The following MTUS2 variants were observed in gnomAD, a reference collection of about 807,000 sequenced individuals.
MTUS2 encodes the protein microtubule associated scaffold protein 2.
A neutral mutation model predicts 114.1 loss-of-function variants in MTUS2; 40 were observed. The observed-to-expected ratio is 0.35, with a 90% CI of 0.27 to 0.46. The LOEUF (loss-of-function observed/expected upper bound fraction) is 0.46, where lower values mean the gene tolerates loss of function less well. Among genes scored for constraint, MTUS2 ranks in the 20% least tolerant of loss-of-function variants. MTUS2 has a pLI of 1.00. For synonymous variants in MTUS2, 688 were observed against 672.0 expected, an observed-to-expected ratio of 1.02 and a Z score of -0.37; for missense variants, 1,679 against 1,705.4, an observed-to-expected ratio of 0.98 and a Z score of 0.27.
At chr13:29,393,061 C>T (rs866408713) in intron 8 of MTUS2, among the ~76,000 whole-genome samples, 28 of 152,164 alleles carry the variant, frequency 1.8e-4, no homozygotes, top group African/African-American at 5.8e-4. Context: ...AGCACTCCCC[C>T]AAGAAGCAGG....
intron 2 of MTUS2, among the ~76,000 whole-genome samples, chr13:28,988,205 G>A (rs764714543): frequency 2.0e-5 from 3 of 152,164 alleles, no homozygotes; most frequent in Non-Finnish European, 4.4e-5. Context: ...AAGTGAGGAT[G>A]TATATGGATT....
chr13:29,492,588 C>A, intron 11 of MTUS2, 58 bp from the exon 12 acceptor site: 1 of 1,430,312 alleles, frequency 7.0e-7, no homozygotes, highest in Non-Finnish European at 9.8e-7. Flanking sequence ...CCAAAAGAGC[C>A]TTGTTTTATC....
chr13:29,112,419 C>A lies in MTUS2; in HGVS notation c.2644+11449C>A, dbSNP rs181538470. Among the ~76,000 whole-genome samples the A allele has an allele frequency of 7.2e-5, 11 of 152,236 alleles. No individual in the cohort carries two copies. The East Asian group carries it at 1.2e-3, about 16-fold the overall frequency. On this transcript the variant is annotated intron_variant, in intron 5 of 15. Transcript: ENST00000612955. The stretch of plus-strand genomic sequence containing the variant: ...TTTGATATTGAGGAGAATGGGTCTG[C>A]AGACTGTCATTAAGATGTCACTGGT...
intron 2 of MTUS2, among the ~76,000 whole-genome samples, chr13:28,913,597 T>G (rs947569757): frequency 2.0e-5 from 3 of 151,782 alleles, no homozygotes; most frequent in African/African-American, 7.2e-5. Context: ...ATCTCTGATA[T>G]CTAGTTTGGT....
rs1555272550 is a variant in MTUS2, at chr13:29,389,545, A to ATATGTATACACATATGTGTGTATG, written c.3117+30073_3117+30074insATGTATACACATATGTGTGTATGT. The stretch of plus-strand genomic sequence containing the variant: ...TGTATATATGTATACACGTGTGTAT[A>ATATGTATACACATATGTGTGTATG]TGTATACACGTGTGTATATGTGTAC... On this transcript the variant is annotated intron_variant, in intron 8 of 15. Transcript: ENST00000612955. 8.2e-4 allele frequency among the ~76,000 whole-genome samples: 88 copies of ATATGTATACACATATGTGTGTATG among 107,106 alleles called. 3 individuals are homozygous for ATATGTATACACATATGTGTGTATG. The highest frequency in any genetic ancestry group is 4.0e-3 in the African/African-American group (79 of 19,700). 70.3% of individuals were successfully genotyped at this position (107,106 alleles called of 152,430 possible). A position where few individuals can be genotyped will look rare whatever the true frequency, so the allele number is the denominator to read the frequency against.
At chr13:29,002,076 C>T (rs1212155572) in intron 2 of MTUS2, among the ~76,000 whole-genome samples, 1 of 152,166 alleles carries the variant, frequency 6.6e-6, no homozygotes, top group East Asian at 1.9e-4. Context: ...AACTTCTGAC[C>T]TCCAGAACTG....
chr13:29,270,317 AC>A (rs1392056702), intron 5 of MTUS2, among the ~76,000 whole-genome samples: 3 of 151,806 alleles, frequency 2.0e-5, no homozygotes, highest in South Asian at 2.1e-4. Context: ...GAGGTAAAGC[AC>A]CCCCCTCAGG....
chr13:28,943,952 A>G (rs1397515589), intron 2 of MTUS2, among the ~76,000 whole-genome samples: 1 of 152,000 alleles, frequency 6.6e-6, no homozygotes, highest in Admixed American at 6.5e-5. Flanking sequence ...AAATAAAACA[A>G]TCATATTTGC....
chr13:29,281,191 T>A (rs1323513844), intron 5 of MTUS2, among the ~76,000 whole-genome samples: 1 of 152,134 alleles, frequency 6.6e-6, no homozygotes, highest in Non-Finnish European at 1.5e-5. Context: ...CCAAGCCTCC[T>A]CTTCTGGAGG....
At position 29,033,870 on chromosome 13, in the gene MTUS2, G is replaced by A; in HGVS notation, c.2206-15G>A. The A allele has an allele frequency of 1.9e-6, 3 of 1,613,498 alleles. No homozygotes were observed. Among genetic ancestry groups the A allele is most frequent in the Non-Finnish European group, 2.5e-6 (3 of 1,179,680 alleles). On this transcript the variant is annotated splice_polypyrimidine_tract_variant and intron_variant, in intron 3 of 15. Transcript: ENST00000612955. ...TGTGAAGGTCTCTGATTGAGTTTTT[G>A]TTCATTTATCATAGGTTACAGACCA...
intron 5 of MTUS2, among the ~76,000 whole-genome samples, chr13:29,200,533 T>TTTTTTTTTTTTTTTTTTG: frequency 6.9e-6 from 1 of 144,070 alleles, no homozygotes; most frequent in Non-Finnish European, 1.5e-5. Context: ...TTTTTTTTTT[T>TTTTTTTTTTTTTTTTTTG]TTTTGAGATG....
chr13:29,064,163 G>A (rs226908), intron 4 of MTUS2, among the ~76,000 whole-genome samples: 7,199 of 152,286 alleles, frequency 0.047, 183 homozygotes, highest in African/African-American at 0.066. Flanking sequence ...TAGAGTGGTA[G>A]CATGGGAACT....
chr13:29,381,924 C>T (rs1036423444), intron 8 of MTUS2, among the ~76,000 whole-genome samples: 14 of 152,180 alleles, frequency 9.2e-5, no homozygotes, highest in African/African-American at 3.1e-4. Flanking sequence ...AATACTCTAT[C>T]ACGTTGTGCT....
chr13:29,325,733 G>T (rs35178275), intron 7 of MTUS2, among the ~76,000 whole-genome samples: 28,721 of 152,172 alleles, frequency 0.19, 2,794 homozygotes, highest in Middle Eastern at 0.22. Context: ...GCCAGGTACT[G>T]CCCTGTGCTC....
At chr13:29,475,079 T>G (rs1880595285) in intron 9 of MTUS2, among the ~76,000 whole-genome samples, 1 of 151,814 alleles carries the variant, frequency 6.6e-6, no homozygotes, top group Non-Finnish European at 1.5e-5. Context: ...TAAGAAGTGG[T>G]AAGAATGATT....
chr13:29,367,499 A>G (rs956088930), intron 8 of MTUS2, among the ~76,000 whole-genome samples: 1 of 152,174 alleles, frequency 6.6e-6, no homozygotes, highest in Non-Finnish European at 1.5e-5. Context: ...GCTGTGTTTT[A>G]GGAAGATTAA....
At position 29,503,299 on chromosome 13, in the gene MTUS2, T is replaced by A; in HGVS notation, c.*93T>A. On this transcript the variant is annotated 3_prime_UTR_variant, in exon 16 of 16. Transcript: ENST00000612955. The stretch of plus-strand genomic sequence containing the variant: ...CCCGGTGCCGCCGGAGCTGGCCCTG[T>A]GCGCATGCTCAGTAGCTGCGAATGC... The A allele has an allele frequency of 7.0e-7, 1 of 1,421,504 alleles. No individual in the cohort carries two copies. Among genetic ancestry groups the A allele is most frequent in the South Asian group, 1.2e-5 (1 of 84,084 alleles). 88.1% of individuals were successfully genotyped at this position (1,421,504 alleles called of 1,614,324 possible). A position where few individuals can be genotyped will look rare whatever the true frequency, so the allele number is the denominator to read the frequency against.
At chr13:29,106,122 A>G (rs1890656795) in intron 5 of MTUS2, among the ~76,000 whole-genome samples, 1 of 152,146 alleles carries the variant, frequency 6.6e-6, no homozygotes. Flanking sequence ...TTTGGACACA[A>G]TGCTCATATC....
rs1441010980 is a variant in MTUS2, at chr13:29,504,291, C to G, written c.*1085C>G. ...ATGATCAACTCTTTGAAATAGGACCCTCAGGCCCCCATTTCCTAGCAGCCC... is the reference window on the plus strand; with the variant it reads ...ATGATCAACTCTTTGAAATAGGACCGTCAGGCCCCCATTTCCTAGCAGCCC... On this transcript the variant is annotated 3_prime_UTR_variant, in exon 16 of 16. Coordinates refer to ENST00000612955, the MANE Select transcript of MTUS2 (RefSeq NM_001033602.4). 1 of 232,564 alleles carries G rather than the reference C, an allele frequency of 4.3e-6. No individual in the cohort carries two copies. Among genetic ancestry groups the G allele is most frequent in the East Asian group, 6.1e-5 (1 of 16,422 alleles). 14.4% of individuals were successfully genotyped at this position (232,564 alleles called of 1,614,324 possible).
Sources: gnomAD v4.1 joint callset for allele counts (sites outside exome capture counted in the v4.1 genomes callset) on GRCh38, gnomAD v4.1.1 for gene constraint, MANE v1.5 for transcripts, NCBI Gene and HGNC (gene_info 2026-07-23, HGNC 2026-07-21) for gene names.